Variants in COBLL1 observed in about 807,000 individuals in gnomAD.
The protein encoded by COBLL1 is cordon-bleu WH2 repeat protein like 1, also known as cordon-bleu protein-like 1.
COBLL1 carries 50 observed loss-of-function variants against 94.8 expected under a neutral mutation model. That is an observed-to-expected ratio of 0.53 (90% CI 0.42 to 0.67). The LOEUF (loss-of-function observed/expected upper bound fraction) is 0.67, where lower values mean the gene tolerates loss of function less well. COBLL1 is among the 30% of genes least tolerant of loss of function. COBLL1 has a pLI of 0.00. For missense variants in COBLL1, 1,362 were observed against 1,348.7 expected, an observed-to-expected ratio of 1.01 and a Z score of -0.15; for synonymous variants, 448 against 473.8, an observed-to-expected ratio of 0.95 and a Z score of 0.71.
intron 2 of COBLL1, among the ~76,000 whole-genome samples, chr2:164,788,896 A>T (rs2105292078): frequency 6.6e-6 from 1 of 152,038 alleles, no homozygotes; most frequent in Middle Eastern, 3.4e-3. Context: ...ACAGAGTAGT[A>T]GAAAAGGGTT....
intron 2 of COBLL1, among the ~76,000 whole-genome samples, chr2:164,811,983 C>T (rs1406163568): frequency 6.6e-6 from 1 of 151,826 alleles, no homozygotes. Flanking sequence ...ATACCTGCAG[C>T]ATGGTCTTGA....
chr2:164,694,570 T>G lies in COBLL1; in HGVS notation c.2822A>C (p.Gln941Pro). 1 of 1,613,944 alleles carries G rather than the reference T, an allele frequency of 6.2e-7. No homozygotes were observed. Among genetic ancestry groups the G allele is most frequent in the African/African-American group, 1.3e-5 (1 of 75,028 alleles). The change falls in exon 12 of 14, where the codon CAG becomes CCG. Residue 941 changes from glutamine (Q) to proline (P), a missense_variant. By Grantham distance (76) the Gln-to-Pro change is moderately conservative. Coordinates refer to ENST00000652658, the MANE Select transcript of COBLL1 (RefSeq NM_001365672.2). ...VEKTDDDVIG[Q>P]APAEASPPPI... ...AGGAGGGGAGGCTTCAGCAGGAGCC[T>G]GACCGATGACATCATCATCAGTTTT...
chr2:164,674,102 C>T (rs897568463), intron 1 of COBLL1, among the ~76,000 whole-genome samples: 1 of 152,096 alleles, frequency 6.6e-6, no homozygotes, highest in Non-Finnish European at 1.5e-5. Context: ...TGTTCTGTCG[C>T]CAGTCTGGAG....
intron 2 of COBLL1, among the ~76,000 whole-genome samples, chr2:164,773,528 CA>C (rs1216924079): frequency 6.6e-6 from 1 of 151,902 alleles, no homozygotes; most frequent in Non-Finnish European, 1.5e-5. Context: ...AGCATCAATT[CA>C]AAAAACATAA....
chr2:164,713,006 C>T (rs1684981936), intron 7 of COBLL1, among the ~76,000 whole-genome samples: 1 of 151,966 alleles, frequency 6.6e-6, no homozygotes, highest in Non-Finnish European at 1.5e-5. Flanking sequence ...TTGCCAGTTT[C>T]TTTGTTATAT....
rs1051145951 is a variant in COBLL1 at position 164,681,746 on chromosome 2, C to T, written c.*4200G>A. The T allele has an allele frequency of 1.3e-5, 2 of 152,012 alleles. No individual in the cohort carries two copies. Among genetic ancestry groups the T allele is most frequent in the African/African-American group, 4.8e-5 (2 of 41,404 alleles). 9.4% of individuals were successfully genotyped at this position (152,012 alleles called of 1,614,324 possible). On this transcript the variant is annotated 3_prime_UTR_variant, in exon 14 of 14. Coordinates refer to ENST00000652658, the MANE Select transcript of COBLL1 (RefSeq NM_001365672.2). ...TTGCAACTGTAGCATTTTTTTTCTTCTCCAAGAAAAGTAATTAGCAAGACT... is the reference window on the plus strand; with the variant it reads ...TTGCAACTGTAGCATTTTTTTTCTTTTCCAAGAAAAGTAATTAGCAAGACT...
intron 5 of COBLL1, chr2:164,724,869 A>C (rs1685636086): frequency 6.6e-6 from 1 of 151,998 alleles, no homozygotes; most frequent in Non-Finnish European, 1.5e-5. Flanking sequence ...ACTATTTTAC[A>C]AAGTAAAACT....
chr2:164,779,098 C>CTTG (rs3835928), intron 2 of COBLL1, among the ~76,000 whole-genome samples: 38,208 of 151,528 alleles, frequency 0.25, 5,660 homozygotes, highest in African/African-American at 0.41. Context: ...AGATCAATTG[C>CTTG]TTGTTGTTGT....
chr2:164,708,274 A>G (rs771031819), intron 7 of COBLL1, among the ~76,000 whole-genome samples: 5 of 152,184 alleles, frequency 3.3e-5, no homozygotes, highest in African/African-American at 9.7e-5. Context: ...AATGAGTTAA[A>G]GCCTGCCACC....
intron 2 of COBLL1, among the ~76,000 whole-genome samples, chr2:164,753,739 AT>A (rs71393637): frequency 0.13 from 17,900 of 138,590 alleles, 1,443 homozygotes; most frequent in African/African-American, 0.25. Flanking sequence ...GAGTATGGGA[AT>A]TTTTTTTTTT....
At chr2:164,665,962 T>C (rs1194901256) in intron 1 of COBLL1, 2 of 152,190 alleles carry the variant, frequency 1.3e-5, no homozygotes, top group Non-Finnish European at 2.9e-5. Flanking sequence ...TAGTTAACAA[T>C]AGTATATTAT....
intron 7 of COBLL1, among the ~76,000 whole-genome samples, chr2:164,716,865 C>T (rs1011098146): frequency 6.6e-6 from 1 of 152,076 alleles, no homozygotes; most frequent in Non-Finnish European, 1.5e-5. Flanking sequence ...TAAATATAGA[C>T]AGCCAAAAAA....
intron 2 of COBLL1, among the ~76,000 whole-genome samples, chr2:164,832,901 G>C (rs577050029): frequency 6.6e-5 from 10 of 151,996 alleles, no homozygotes; most frequent in African/African-American, 2.4e-4. Flanking sequence ...AAATTAGCCG[G>C]GTATGGTGGC....
chr2:164,800,414 C>T (rs1683707514), intron 2 of COBLL1: 9 of 579,394 alleles, frequency 1.6e-5, no homozygotes, highest in Middle Eastern at 2.9e-4. Context: ...TAAATACCAA[C>T]GATACTATGT....
At position 164,719,608 on chromosome 2, in the gene COBLL1, C is replaced by G. The variant is rs112907175; in HGVS notation, c.996+2467G>C. 4.9e-3 allele frequency among the ~76,000 whole-genome samples: 752 copies of G among 152,256 alleles called. 5 individuals are homozygous for G. The highest frequency in any genetic ancestry group is 0.016 in the African/African-American group (674 of 41,536). On this transcript the variant is annotated intron_variant, in intron 7 of 13. Coordinates refer to ENST00000652658, the MANE Select transcript of COBLL1 (RefSeq NM_001365672.2). ...TCTTCACACGACCTTCTCTGTGTCTCTCTGCCTGTGTGTCTCCTCTTCTTA... is the reference window on the plus strand; with the variant it reads ...TCTTCACACGACCTTCTCTGTGTCTGTCTGCCTGTGTGTCTCCTCTTCTTA...
chr2:164,758,845 A>C (rs1393884025), intron 2 of COBLL1, among the ~76,000 whole-genome samples: 1 of 152,142 alleles, frequency 6.6e-6, no homozygotes, highest in Non-Finnish European at 1.5e-5. Flanking sequence ...ATTAAAAACA[A>C]AATTATCTGT....
Position 164,683,727 on chromosome 2 carries a change from C to A in COBLL1, c.*2219G>T, listed in dbSNP as rs1683150045. 6.6e-6 allele frequency: 1 copy of A among 152,064 alleles called. No homozygotes were observed. The highest frequency in any genetic ancestry group is 1.5e-5 in the Non-Finnish European group (1 of 67,994). The allele number at this position is 152,064 out of a possible 1,614,324, so 9.4% of individuals were successfully genotyped here. ...TATTTATACTTTATGTAACTAATTT[C>A]ATAAAACACGACTTGTTCCACCACT... On this transcript the variant is annotated 3_prime_UTR_variant, in exon 14 of 14. Transcript: ENST00000652658.
chr2:164,721,136 G>A (rs1406938786), intron 7 of COBLL1, among the ~76,000 whole-genome samples: 1 of 152,116 alleles, frequency 6.6e-6, no homozygotes, highest in Non-Finnish European at 1.5e-5. Flanking sequence ...ACAGAAATGT[G>A]TACCAGGTGC....
At chr2:164,761,916 G>A (rs547732432) in intron 2 of COBLL1, among the ~76,000 whole-genome samples, 15 of 152,228 alleles carry the variant, frequency 9.9e-5, no homozygotes, top group South Asian at 4.1e-4. Flanking sequence ...CCTTTTCTCA[G>A]CAAAGAATGA....
Sources: gnomAD v4.1 joint callset for allele counts (sites outside exome capture counted in the v4.1 genomes callset) on GRCh38, gnomAD v4.1.1 for gene constraint, MANE v1.5 for transcripts, NCBI Gene and HGNC (gene_info 2026-07-23, HGNC 2026-07-21) for gene names.